ME2: variants seen among roughly 807,000 people sequenced by gnomAD.
The protein encoded by ME2 is malic enzyme 2.
In ME2, 60 loss-of-function variants were observed where a neutral mutation model predicts 73.7. The ratio of observed to expected loss-of-function variants is 0.81; its 90% CI spans 0.66 to 1.01. ME2 has a LOEUF of 1.01. Ranked by LOEUF, ME2 falls within the 50% of genes least tolerant of loss-of-function variation. ME2 has a pLI of 0.00. For synonymous variants in ME2, 199 were observed against 236.9 expected (o/e 0.84, Z 1.47); for missense variants, 594 against 705.5 (o/e 0.84, Z 1.79).
At chr18:50,932,019 T>C (rs1231764406) in intron 12 of ME2, among the ~76,000 whole-genome samples, 1 of 152,182 alleles carries the variant, frequency 6.6e-6, no homozygotes, top group African/African-American at 2.4e-5. Context: ...GTTTTTAAAT[T>C]TTTAGTAATA....
chr18:50,885,526 A>AT (rs1295314575), intron 1 of ME2, among the ~76,000 whole-genome samples: 2 of 152,110 alleles, frequency 1.3e-5, no homozygotes, highest in African/African-American at 4.8e-5. Flanking sequence ...TCTAAAAAAA[A>AT]AAATATATAA....
chr18:50,947,679 C>T lies in ME2; in HGVS notation c.*495C>T, dbSNP rs902885122. On this transcript the variant is annotated 3_prime_UTR_variant, in exon 16 of 16. Coordinates refer to ENST00000321341, the MANE Select transcript of ME2 (RefSeq NM_002396.5). The stretch of plus-strand genomic sequence containing the variant: ...TTCTTATATATCTGCTTCATCTTAC[C>T]TTCATACTCTGAAATTCCCTATAGC... 6.6e-6 allele frequency: 1 copy of T among 152,384 alleles called. No homozygotes were observed. Among genetic ancestry groups the T allele is most frequent in the Non-Finnish European group, 1.5e-5 (1 of 68,248 alleles). The allele number at this position is 152,384 out of a possible 1,614,324, so 9.4% of individuals were successfully genotyped here.
intron 1 of ME2, among the ~76,000 whole-genome samples, chr18:50,888,278 G>A (rs2144184126): frequency 6.6e-6 from 1 of 151,598 alleles, no homozygotes. Context: ...CCCCGAGGTC[G>A]AGGCTGCAGT....
At chr18:50,917,260 A>T in intron 5 of ME2, 87 bp from the exon 6 acceptor site, 1 of 1,021,120 alleles carries the variant, frequency 9.8e-7, no homozygotes, top group Non-Finnish European at 1.5e-6. Flanking sequence ...GAGTAAATAT[A>T]TATGAAGTGA....
At position 50,923,055 on chromosome 18, in the gene ME2, C is replaced by CAG. The variant is rs1420054053; in HGVS notation, c.1057-1043_1057-1042insAG. On this transcript the variant is annotated intron_variant, in intron 10 of 15. Transcript: ENST00000321341. ...CATTGTTCTAGTCTGTCAGTGGTATCTCTTCTGGCTTTGTGGCATTACTAC... is the reference window on the plus strand; with the variant it reads ...CATTGTTCTAGTCTGTCAGTGGTATCAGTCTTCTGGCTTTGTGGCATTACTAC... Among the ~76,000 whole-genome samples, 20 of 152,274 alleles carry CAG rather than the reference C, an allele frequency of 1.3e-4. No individual in the cohort carries two copies. In the East Asian group the frequency reaches 3.9e-3, roughly 29 times the overall value.
chr18:50,924,703 G>GT lies in ME2; in HGVS notation c.1171+502dup, dbSNP rs772295966. Among the ~76,000 whole-genome samples, 540 of 143,860 alleles carry GT rather than the reference G, an allele frequency of 3.8e-3. 9 individuals are homozygous for GT. In the East Asian group the frequency reaches 0.057, roughly 15 times the overall value. The allele number at this position is 143,860 out of a possible 152,430, so 94.4% of individuals were successfully genotyped here. A position where few individuals can be genotyped will look rare whatever the true frequency, so the allele number is the denominator to read the frequency against. ...AAGTTTTTTTGTTTTCTTGTTTTTT[G>GT]TTTTTTTTTTTGAGACAGAGTCTCA... On this transcript the variant is annotated intron_variant, in intron 11 of 15. Coordinates refer to ENST00000321341, the MANE Select transcript of ME2 (RefSeq NM_002396.5).
chr18:50,899,358 G>T (rs972276196), intron 2 of ME2, among the ~76,000 whole-genome samples: 7 of 152,164 alleles, frequency 4.6e-5, no homozygotes, highest in African/African-American at 1.4e-4. Context: ...CACACCTGTA[G>T]TCCCAGCACT....
At chr18:50,920,185 GTCC>G (rs890622557) in intron 7 of ME2, among the ~76,000 whole-genome samples, 1 of 152,162 alleles carries the variant, frequency 6.6e-6, no homozygotes, top group African/African-American at 2.4e-5. Flanking sequence ...CAAAGGAAGT[GTCC>G]TCCTGGACAC....
chr18:50,882,015 T>A (rs1356963944), intron 1 of ME2, among the ~76,000 whole-genome samples: 1 of 152,162 alleles, frequency 6.6e-6, no homozygotes, highest in Non-Finnish European at 1.5e-5. Flanking sequence ...TTGTTTTTGT[T>A]TTTGAGAGAG....
At chr18:50,905,858 GC>G (rs1917006450) in intron 2 of ME2, among the ~76,000 whole-genome samples, 1 of 152,170 alleles carries the variant, frequency 6.6e-6, no homozygotes, top group Admixed American at 6.5e-5. Flanking sequence ...TGATGTTAAT[GC>G]TGGAGGAGTA....
At chr18:50,929,820 T>C (rs934826911) in intron 12 of ME2, among the ~76,000 whole-genome samples, 4 of 152,216 alleles carry the variant, frequency 2.6e-5, no homozygotes, top group Non-Finnish European at 4.4e-5. Flanking sequence ...GACTCTTGGG[T>C]AAATATATTA....
At chr18:50,906,953 G>C (rs935650266) in intron 2 of ME2, among the ~76,000 whole-genome samples, 2 of 152,114 alleles carry the variant, frequency 1.3e-5, no homozygotes, top group Admixed American at 6.6e-5. Context: ...GCTTTTGAAA[G>C]CTCCAACCCC....
chr18:50,929,609 C>G (rs955404701), intron 12 of ME2, among the ~76,000 whole-genome samples: 10 of 151,962 alleles, frequency 6.6e-5, no homozygotes, highest in African/African-American at 2.4e-4. Context: ...CTGTTAGTTT[C>G]CAATTGATAT....
intron 1 of ME2, among the ~76,000 whole-genome samples, chr18:50,884,217 TTGAA>T (rs2144176825): frequency 6.6e-6 from 1 of 152,326 alleles, no homozygotes; most frequent in South Asian, 2.1e-4. Context: ...ATCTAATAGT[TTGAA>T]TAATATATGT....
chr18:50,909,465 G>A (rs1362269548), intron 3 of ME2, among the ~76,000 whole-genome samples: 1 of 152,190 alleles, frequency 6.6e-6, no homozygotes, highest in Non-Finnish European at 1.5e-5. Flanking sequence ...GCTTCCTGAA[G>A]GGAGTGATGC....
rs1467449309 is a variant in ME2 at position 50,924,104 on chromosome 18, A to C, written c.1063A>C (p.Lys355Gln). The change falls in exon 11 of 16, where the codon AAA becomes CAA. Residue 355 changes from lysine to glutamine, a missense_variant. Transcript: ENST00000321341. ...DKYGLLVKGR[K>Q]AKIDSYQEPF... ...ATTTTATCTCAAAATTTAGGGACGGAAAGCAAAAATAGATAGTTATCAGGA... is the reference window on the plus strand; with the variant it reads ...ATTTTATCTCAAAATTTAGGGACGGCAAGCAAAAATAGATAGTTATCAGGA... The C allele has an allele frequency of 3.1e-6, 5 of 1,608,330 alleles. No individual in the cohort carries two copies.
chr18:50,879,921 A>C (rs543034627), intron 1 of ME2, among the ~76,000 whole-genome samples: 2 of 152,266 alleles, frequency 1.3e-5, no homozygotes, highest in East Asian at 3.9e-4. Context: ...AGGTGGTCCT[A>C]GGTTTCGACT....
intron 13 of ME2, chr18:50,939,311 G>A: frequency 8.5e-6 from 3 of 354,210 alleles, no homozygotes; most frequent in Non-Finnish European, 1.6e-5. Context: ...TTGATGAATT[G>A]TATGTATTTG....
intron 2 of ME2, among the ~76,000 whole-genome samples, chr18:50,905,179 GT>G (rs1916990488): frequency 6.6e-6 from 1 of 152,078 alleles, no homozygotes; most frequent in African/African-American, 2.4e-5. Context: ...TAGAGATGGG[GT>G]TTTACCATGT....
Sources: gnomAD v4.1 joint callset for allele counts (sites outside exome capture counted in the v4.1 genomes callset) on GRCh38, gnomAD v4.1.1 for gene constraint, MANE v1.5 for transcripts, NCBI Gene and HGNC (gene_info 2026-07-23, HGNC 2026-07-21) for gene names.